Variants in PPP6C observed in about 807,000 individuals in gnomAD.
The protein encoded by PPP6C is serine/threonine-protein phosphatase 6 catalytic subunit.
Under a neutral mutation model 39.8 loss-of-function variants are expected in PPP6C, and 11 were observed. The ratio of observed to expected loss-of-function variants is 0.28; its 90% confidence interval spans 0.17 to 0.46. PPP6C has a LOEUF of 0.46. Among genes scored for constraint, PPP6C ranks in the 20% least tolerant of loss-of-function variants. PPP6C has a pLI of 1.00. For synonymous variants in PPP6C, 129 were observed against 130.3 expected (o/e 0.99, Z 0.07); for missense variants, 211 against 373.9 (o/e 0.56, Z 3.59).
intron 1 of PPP6C, among the ~76,000 whole-genome samples, chr9:125,181,570 G>T (rs1450142724): frequency 6.6e-6 from 1 of 152,038 alleles, no homozygotes; most frequent in Non-Finnish European, 1.5e-5. Flanking sequence ...CCGCTTACGA[G>T]TGAGAACATG....
chr9:125,147,118 A>T lies in PPP6C; in HGVS notation c.*2555T>A, dbSNP rs186719586. On this transcript the variant is annotated 3_prime_UTR_variant, in exon 7 of 7. Transcript: ENST00000373547. ...GTGTTTTAGGATCACACTCAAATGA[A>T]TATAAAGTAGTGAAACTTTTTGGGG... is the stretch of plus-strand genomic sequence containing the variant. 1.3e-5 allele frequency: 2 copies of T among 152,336 alleles called. No homozygotes were observed. Among genetic ancestry groups the T allele is most frequent in the Non-Finnish European group, 2.9e-5 (2 of 68,024 alleles). The allele number at this position is 152,336 out of a possible 1,614,324, so 9.4% of individuals were successfully genotyped here. A position where few individuals can be genotyped will look rare whatever the true frequency, so the allele number is the denominator to read the frequency against.
intron 1 of PPP6C, among the ~76,000 whole-genome samples, chr9:125,179,267 C>T (rs568982210): frequency 1.3e-5 from 2 of 151,096 alleles, no homozygotes; most frequent in African/African-American, 2.4e-5. Context: ...TTATCAGACA[C>T]GTCTTTCACA....
chr9:125,162,818 C>T (rs377172507), intron 2 of PPP6C, among the ~76,000 whole-genome samples: 10 of 150,696 alleles, frequency 6.6e-5, no homozygotes, highest in African/African-American at 2.4e-4. Context: ...AGGCTCACGC[C>T]TGTAATCCCA....
intron 2 of PPP6C, among the ~76,000 whole-genome samples, chr9:125,163,382 AGAGT>A (rs1376441616): frequency 5.3e-5 from 8 of 152,348 alleles, no homozygotes; most frequent in Non-Finnish European, 8.8e-5. Context: ...ATATGGTAGA[AGAGT>A]GAGTATCCTT....
At chr9:125,172,715 AC>A (rs1347450648) in intron 1 of PPP6C, among the ~76,000 whole-genome samples, 5 of 65,434 alleles carry the variant, frequency 7.6e-5, no homozygotes, top group African/African-American at 2.4e-4. Context: ...AACTGAATAC[AC>A]ACAAACACAC....
At chr9:125,163,008 G>C (rs1277096402) in intron 2 of PPP6C, among the ~76,000 whole-genome samples, 4 of 152,040 alleles carry the variant, frequency 2.6e-5, no homozygotes, top group Admixed American at 2.6e-4. Flanking sequence ...GAACCTGGGA[G>C]ACGGAGGTTA....
At chr9:125,164,374 G>A (rs531134630) in intron 2 of PPP6C, among the ~76,000 whole-genome samples, 124 of 151,616 alleles carry the variant, frequency 8.2e-4, no homozygotes, top group Non-Finnish European at 1.4e-3. Flanking sequence ...CTACAGGCAC[G>A]TGCCACTACA....
intron 2 of PPP6C, among the ~76,000 whole-genome samples, chr9:125,162,915 T>C (rs1476135151): frequency 4.6e-5 from 7 of 151,550 alleles, no homozygotes; most frequent in African/African-American, 9.7e-5. Flanking sequence ...CAGTCTCTAC[T>C]AAAAATACAA....
intron 3 of PPP6C, 147 bp from the exon 4 acceptor site, chr9:125,158,529 T>A (rs1021868138): frequency 2.5e-6 from 2 of 806,084 alleles, no homozygotes; most frequent in African/African-American, 1.8e-5. Context: ...AACAAAAAAA[T>A]AAAATACACG....
intron 6 of PPP6C, chr9:125,151,699 TTTC>T (rs386738518): frequency 0.25 from 118,398 of 465,528 alleles, 16,433 homozygotes; most frequent in Middle Eastern, 0.31. Flanking sequence ...CCAGTGTAGC[TTTC>T]TATATCCCAC....
intron 6 of PPP6C, chr9:125,150,952 C>T: frequency 3.3e-6 from 4 of 1,199,624 alleles, no homozygotes; most frequent in Non-Finnish European, 5.0e-6. Context: ...AATAAAGAGT[C>T]AGGTGACAAT....
intron 6 of PPP6C, among the ~76,000 whole-genome samples, chr9:125,151,953 A>C (rs1835958214): frequency 6.6e-6 from 1 of 152,154 alleles, no homozygotes; most frequent in Non-Finnish European, 1.5e-5. Context: ...TTCTTTGTTG[A>C]GAACAACCAG....
intron 4 of PPP6C, among the ~76,000 whole-genome samples, chr9:125,155,708 C>CCTGGCTA (rs1251673188): frequency 6.6e-6 from 1 of 152,052 alleles, no homozygotes; most frequent in African/African-American, 2.4e-5. Flanking sequence ...TTGAGACCAT[C>CCTGGCTA]CTGGCTAACA....
At chr9:125,167,547 C>CA (rs1447022276) in intron 2 of PPP6C, among the ~76,000 whole-genome samples, 1 of 150,120 alleles carries the variant, frequency 6.7e-6, no homozygotes, top group Non-Finnish European at 1.5e-5. Flanking sequence ...ACTAAAAATA[C>CA]AAAAAGTTAG....
At chr9:125,167,059 C>T (rs949240694) in intron 2 of PPP6C, among the ~76,000 whole-genome samples, 4 of 152,000 alleles carry the variant, frequency 2.6e-5, no homozygotes, top group African/African-American at 9.7e-5. Context: ...CACCACCAAG[C>T]CTGGCTAATT....
At position 125,167,845 on chromosome 9, in the gene PPP6C, G is replaced by T. The variant is rs1423902063; in HGVS notation, c.171+3240C>A. Among the ~76,000 whole-genome samples, 11 of 32,650 alleles carry T rather than the reference G, an allele frequency of 3.4e-4. 1 individual carries two copies. In the Admixed American group the frequency reaches 3.5e-3, roughly 11 times the overall value. 21.4% of individuals were successfully genotyped at this position (32,650 alleles called of 152,430 possible). A position where few individuals can be genotyped will look rare whatever the true frequency, so the allele number is the denominator to read the frequency against. ...AGTTTGAGATGGGGGGGGGGGGGGG[G>T]GGTATCATTTGGTTGCCCAGGCTGG... On this transcript the variant is annotated intron_variant, in intron 2 of 6. Transcript: ENST00000373547.
intron 1 of PPP6C, among the ~76,000 whole-genome samples, chr9:125,171,657 A>C (rs1367328135): frequency 6.6e-6 from 1 of 151,130 alleles, no homozygotes; most frequent in Non-Finnish European, 1.5e-5. Flanking sequence ...AGATTCAAGC[A>C]ATTTTCCTGC....
intron 3 of PPP6C, 144 bp downstream of exon 3, chr9:125,160,697 G>T: frequency 2.0e-6 from 1 of 501,576 alleles, no homozygotes; most frequent in Non-Finnish European, 3.3e-6. Flanking sequence ...CTTTATCAGC[G>T]GCGTGAAAAC....
chr9:125,149,908 T>C lies in PPP6C; in HGVS notation c.683A>G (p.Asn228Ser), dbSNP rs769133574. 6 of 1,613,766 alleles carry C rather than the reference T, an allele frequency of 3.7e-6. No homozygotes were observed. Among genetic ancestry groups the C allele is most frequent in the South Asian group, 1.1e-5 (1 of 91,064 alleles). The change falls in exon 7 of 7, where the codon AAC (asparagine) becomes AGC (serine). Residue 228 changes from asparagine (N) to serine (S), a missense_variant. Around this residue, in one of 2 missense-constraint regions of PPP6C, gnomAD observed 168 missense variants for 342.6 expected, o/e 0.49. Coordinates refer to ENST00000373547, the MANE Select transcript of PPP6C (RefSeq NM_002721.5). ...AKVTNEFVHI[N>S]NLKLICRAHQ... ...TGCTCTGCAGATGAGTTTTAAGTTG[T>C]TGATATGAACAAACTGCAATTTAGA...
Sources: gnomAD v4.1 joint callset for allele counts (sites outside exome capture counted in the v4.1 genomes callset) on GRCh38, gnomAD v4.1.1 for gene constraint, gnomAD v4.1.1 regional missense constraint, MANE v1.5 for transcripts, NCBI Gene and HGNC (gene_info 2026-07-23, HGNC 2026-07-21) for gene names.